Variants in PLEKHA8 observed in about 807,000 individuals in gnomAD.
The protein encoded by PLEKHA8 is pleckstrin homology domain containing A8.
Under a neutral mutation model 68.2 loss-of-function variants are expected in PLEKHA8, and 36 were observed. The ratio of observed to expected loss-of-function variants is 0.53; its 90% CI spans 0.40 to 0.70. The LOEUF is 0.70. PLEKHA8 is among the 30% of genes least tolerant of loss of function. The pLI is 0.00. For missense variants in PLEKHA8, 505 were observed against 615.4 expected (o/e 0.82, Z 1.90); for synonymous variants, 211 against 216.1 (o/e 0.98, Z 0.20).
chr7:30,030,664 C>G (rs1242471722), intron 1 of PLEKHA8, among the ~76,000 whole-genome samples: 1 of 152,170 alleles, frequency 6.6e-6, no homozygotes, highest in African/African-American at 2.4e-5. Context: ...GCATACTGTT[C>G]ATAGAAGCCC....
At position 30,078,757 on chromosome 7, in the gene PLEKHA8, C is replaced by G; in HGVS notation, c.1530C>G (p.Val510=). ...CCATACTGGACACTTTATATGAGGT[C>G]CACGGGCTGGAATCTGATGAGGTGG... ...QLAILDTLYE[V]HGLESDEVV Residue 510 remains valine (V), a synonymous_variant, in exon 14 of 14, where the codon GTC becomes GTG. Coordinates refer to ENST00000449726, the MANE Select transcript of PLEKHA8 (RefSeq NM_001197026.2). The G allele has an allele frequency of 6.2e-7, 1 of 1,613,602 alleles. No homozygotes were observed. Among genetic ancestry groups the G allele is most frequent in the Non-Finnish European group, 8.5e-7 (1 of 1,179,708 alleles).
At chr7:30,057,431 G>A (rs78680740) in intron 9 of PLEKHA8, among the ~76,000 whole-genome samples, 4,364 of 151,050 alleles carry the variant, frequency 0.029, 184 homozygotes, top group African/African-American at 0.086. Flanking sequence ...CTTATGGATG[G>A]ACTTTGGGCA....
In PLEKHA8 at chr7:30,081,737, T is replaced by C; in HGVS notation, c.*2950T>C. 2 of 985,400 alleles carry C rather than the reference T, an allele frequency of 2.0e-6. No homozygotes were observed. Among genetic ancestry groups the C allele is most frequent in the Non-Finnish European group, 2.4e-6 (2 of 829,904 alleles). The allele number at this position is 985,400 out of a possible 1,614,324, so 61.0% of individuals were successfully genotyped here. A position where few individuals can be genotyped will look rare whatever the true frequency, so the allele number is the denominator to read the frequency against. ...AACTGGAAGAAAAAGGAAATTGGTCTACTAGGTATTGTAGACACAAATAAG... is the reference window on the plus strand; with the variant it reads ...AACTGGAAGAAAAAGGAAATTGGTCCACTAGGTATTGTAGACACAAATAAG... On this transcript the variant is annotated 3_prime_UTR_variant, in exon 14 of 14. Coordinates refer to ENST00000449726, the MANE Select transcript of PLEKHA8 (RefSeq NM_001197026.2).
chr7:30,086,191 C>T (rs1367748050), downstream of PLEKHA8, among the ~76,000 whole-genome samples: 1 of 152,220 alleles, frequency 6.6e-6, no homozygotes, highest in Admixed American at 6.5e-5. Context: ...CCATCTGCCT[C>T]ACTGGGTAAG....
At chr7:30,096,317 T>C (rs575674718) in intron 13 of PLEKHA8, among the ~76,000 whole-genome samples, 237 of 152,324 alleles carry the variant, frequency 1.6e-3, no homozygotes, top group African/African-American at 5.4e-3. Flanking sequence ...ATGATTTGGC[T>C]CTCTGTTTGT....
Position 30,083,392 on chromosome 7 carries a change from G to A in PLEKHA8, c.*4605G>A, listed in dbSNP as rs1204137281. The A allele has an allele frequency of 4.1e-6, 4 of 983,766 alleles. No individual in the cohort carries two copies. The highest frequency in any genetic ancestry group is 5.2e-4 in the Middle Eastern group (1 of 1,934). 60.9% of individuals were successfully genotyped at this position (983,766 alleles called of 1,614,324 possible). A position where few individuals can be genotyped will look rare whatever the true frequency, so the allele number is the denominator to read the frequency against. On this transcript the variant is annotated 3_prime_UTR_variant, in exon 14 of 14. Coordinates refer to ENST00000449726, the MANE Select transcript of PLEKHA8 (RefSeq NM_001197026.2). ...GTTTATCTGTATCACAACGTCATTAGGAGTTCTTTCAACAATTCCATAAAT... is the reference window on the plus strand; with the variant it reads ...GTTTATCTGTATCACAACGTCATTAAGAGTTCTTTCAACAATTCCATAAAT...
intron 13 of PLEKHA8, among the ~76,000 whole-genome samples, chr7:30,076,080 C>A (rs1583438411): frequency 6.6e-6 from 1 of 151,676 alleles, no homozygotes; most frequent in East Asian, 1.9e-4. Context: ...GATGTTTATA[C>A]ATGCATATAG....
intron 1 of PLEKHA8, among the ~76,000 whole-genome samples, chr7:30,034,460 C>CTGCGAATAACCAAAAGCCT (rs1790907874): frequency 6.6e-6 from 1 of 152,128 alleles, no homozygotes. Context: ...AACCAGTAGC[C>CTGCGAATAACCAAAAGCCT]TGCGAATAAC....
intron 13 of PLEKHA8, chr7:30,115,953 TACATGCATGCATAC>T (rs1176446721): frequency 6.8e-6 from 1 of 147,526 alleles, no homozygotes; most frequent in African/African-American, 2.5e-5. Flanking sequence ...CACATACGCA[TACATGCATGCATAC>T]ATGTGCATGC....
At chr7:30,127,822 C>T (rs1272934344) in intron 13 of PLEKHA8, among the ~76,000 whole-genome samples, 7 of 152,168 alleles carry the variant, frequency 4.6e-5, no homozygotes, top group Non-Finnish European at 8.8e-5. Context: ...TTTTTACATT[C>T]ATTTCAGCAT....
intron 1 of PLEKHA8, among the ~76,000 whole-genome samples, chr7:30,037,079 C>G (rs1384750913): frequency 6.6e-6 from 1 of 152,070 alleles, no homozygotes; most frequent in Non-Finnish European, 1.5e-5. Context: ...TTGGAAAACA[C>G]CAAGGCTATG....
chr7:30,068,031 A>G (rs571322202), intron 12 of PLEKHA8, among the ~76,000 whole-genome samples: 1 of 152,370 alleles, frequency 6.6e-6, no homozygotes, highest in African/African-American at 2.4e-5. Context: ...GGACTGGTCC[A>G]GGGACTCTGG....
chr7:30,115,762 GTATA>G (rs1796450368), intron 13 of PLEKHA8: 2 of 147,290 alleles, frequency 1.4e-5, no homozygotes, highest in South Asian at 2.1e-4. Context: ...GCACATACAT[GTATA>G]CACGTATGCA....
intron 13 of PLEKHA8, among the ~76,000 whole-genome samples, chr7:30,124,206 T>C (rs1366505101): frequency 6.6e-6 from 1 of 152,198 alleles, no homozygotes; most frequent in Non-Finnish European, 1.5e-5. Context: ...TAGGACTTAT[T>C]GAGGACCCCA....
rs1291114860 is a variant in PLEKHA8, at chr7:30,084,585, A to G, written c.*5798A>G. ...CAGGGGAGGGTTTTACTTTTTTTGCAAAAATGTTTGAAAATATCTGTCAGA... is the reference window on the plus strand; with the variant it reads ...CAGGGGAGGGTTTTACTTTTTTTGCGAAAATGTTTGAAAATATCTGTCAGA... On this transcript the variant is annotated 3_prime_UTR_variant, in exon 14 of 14. Coordinates refer to ENST00000449726, the MANE Select transcript of PLEKHA8 (RefSeq NM_001197026.2). 3 of 976,010 alleles carry G rather than the reference A, an allele frequency of 3.1e-6. No individual in the cohort carries two copies. In the African/African-American group the frequency reaches 5.3e-5, roughly 17 times the overall value. The allele number at this position is 976,010 out of a possible 1,614,324, so 60.5% of individuals were successfully genotyped here. A position where few individuals can be genotyped will look rare whatever the true frequency, so the allele number is the denominator to read the frequency against.
rs59876919 is a variant in PLEKHA8, at chr7:30,076,471, A to T, written c.1363-2119A>T. Among the ~76,000 whole-genome samples, 1,159 of 152,324 alleles carry T rather than the reference A, an allele frequency of 7.6e-3. 20 individuals carry two copies. Among genetic ancestry groups the T allele is most frequent in the African/African-American group, 0.026 (1,082 of 41,570 alleles). On this transcript the variant is annotated intron_variant, in intron 13 of 13. Transcript: ENST00000449726. The stretch of plus-strand genomic sequence containing the variant: ...ACTAAGAACTACAACCACAGTTTAC[A>T]GTTTTGAGCACTTAACATGCACTAG...
At chr7:30,101,226 C>G (rs1452851549) in intron 13 of PLEKHA8, among the ~76,000 whole-genome samples, 1 of 151,638 alleles carries the variant, frequency 6.6e-6, no homozygotes, top group Non-Finnish European at 1.5e-5. Flanking sequence ...AAATGCATTT[C>G]TACATACCAA....
At chr7:30,114,320 A>G (rs1350181752) in intron 13 of PLEKHA8, among the ~76,000 whole-genome samples, 1 of 152,256 alleles carries the variant, frequency 6.6e-6, no homozygotes, top group Non-Finnish European at 1.5e-5. Flanking sequence ...TGATATAGAT[A>G]CCATTAGTAT....
chr7:30,071,557 T>C (rs1259706337), intron 12 of PLEKHA8, among the ~76,000 whole-genome samples: 1 of 152,244 alleles, frequency 6.6e-6, no homozygotes, highest in Non-Finnish European at 1.5e-5. Context: ...TATACAATAA[T>C]GATTGTTAAA....
Sources: allele counts gnomAD v4.1 joint callset (sites outside exome capture counted in the v4.1 genomes callset), GRCh38; gene constraint gnomAD v4.1.1; transcripts MANE v1.5; gene names NCBI Gene and HGNC (gene_info 2026-07-23, HGNC 2026-07-21).